Variants in NACAD observed in about 807,000 individuals in gnomAD.
NACAD encodes the protein NAC alpha domain containing.
A neutral mutation model predicts 98.9 loss-of-function variants in NACAD; 47 were observed. The observed-to-expected ratio is 0.48, with a 90% CI of 0.38 to 0.61. The LOEUF is 0.61. NACAD is among the 20% of genes least tolerant of loss of function. The pLI, the probability that NACAD is intolerant of heterozygous loss-of-function variation, is 0.00. For missense variants in NACAD, 1,412 were observed against 1,748.2 expected (o/e 0.81, Z 3.43); for synonymous variants, 696 against 767.2 (o/e 0.91, Z 1.53).
Position 45,080,890 on chromosome 7 carries a change from C to T in NACAD, c.4537G>A (p.Glu1513Lys), listed in dbSNP as rs1430124760. The T allele has an allele frequency of 1.9e-6, 3 of 1,557,006 alleles. No homozygotes were observed. In the Admixed American group the frequency reaches 5.8e-5, roughly 30 times the overall value. Residue 1513 changes from glutamate (E) to lysine (K), a missense_variant, in exon 6 of 8, where the codon GAG becomes AAG. By Grantham distance (56) the Glu-to-Lys change is moderately conservative. Around this residue, in one of 5 missense-constraint regions of NACAD, gnomAD observed 88 missense variants for 105.4 expected, o/e 0.84. Transcript: ENST00000490531. ...CTGCACTTCACCTCTTCCTCCTCCT[C>T]CTCTTCCTCTTCCTTGCACTCCAGC... ...VRLECKEEEE[E>K]EEEEVDEAGL...
rs1784427801 is a variant in NACAD, at chr7:45,081,333, T to G, written c.4258-70A>C. On this transcript the variant is annotated intron_variant, in intron 4 of 7. Coordinates refer to ENST00000490531, the MANE Select transcript of NACAD (RefSeq NM_001146334.2). ...ACGTCGGGGGAGGAGAGCAGCACAGTGCCCAGGAAGGCAAAGTCTCCACCG... is the reference window on the plus strand; with the variant it reads ...ACGTCGGGGGAGGAGAGCAGCACAGGGCCCAGGAAGGCAAAGTCTCCACCG... The G allele has an allele frequency of 2.6e-6, 4 of 1,517,018 alleles. No homozygotes were observed. The South Asian group carries it at 3.9e-5, about 15-fold the overall frequency. 94.0% of individuals were successfully genotyped at this position (1,517,018 alleles called of 1,614,324 possible). A position where few individuals can be genotyped will look rare whatever the true frequency, so the allele number is the denominator to read the frequency against.
At chr7:45,087,235 C>T (rs370875152) in intron 1 of NACAD, among the ~76,000 whole-genome samples, 6 of 152,330 alleles carry the variant, frequency 3.9e-5, no homozygotes, top group African/African-American at 9.6e-5. Flanking sequence ...TTATCACAGG[C>T]GAGATCACAT....
chr7:45,085,227 A>G lies in NACAD; in HGVS notation c.953T>C (p.Ile318Thr). Residue 318 changes from isoleucine (I) to threonine (T), a missense_variant, in exon 2 of 8, where the codon ATC becomes ACC. Ile to Thr is a moderately conservative substitution (Grantham distance 89). Transcript: ENST00000490531. This position sits in a 1 kb window ranked among gnomAD's most constrained non-coding sequence, Gnocchi z 6.1. ...CACCTCCACTGCCTCCACCTGAAAG[A>G]TGAGGCTGCCCTGGAAGGGTAGGAG... ...AALLPFQGSLIFQVEAVEVTP... is the reference protein window; with the variant it reads ...AALLPFQGSLTFQVEAVEVTP... The G allele has an allele frequency of 6.4e-7, 1 of 1,551,432 alleles. No homozygotes were observed. Among genetic ancestry groups the G allele is most frequent in the Non-Finnish European group, 8.7e-7 (1 of 1,146,914 alleles).
At chr7:45,081,477 C>G in intron 4 of NACAD, 124 bp downstream of exon 4, 1 of 1,326,604 alleles carries the variant, frequency 7.5e-7, no homozygotes, top group South Asian at 1.4e-5. Flanking sequence ...GGGTTACTGG[C>G]ATGGACCCAA....
In NACAD at chr7:45,083,150, C is replaced by T; in HGVS notation, c.3030G>A (p.Gly1010=). ...CATCTTCCTGTGCGGCCCAAGGTGT[C>T]CCAGCTTCTGCAGCTGGCTGTGGGT... ...QDDPQPAAEA[G]TPWAAQEDAD... Residue 1010 remains glycine, a synonymous_variant, in exon 2 of 8, where the codon GGG becomes GGA. Transcript: ENST00000490531. The T allele has an allele frequency of 1.3e-6, 2 of 1,550,860 alleles. No individual in the cohort carries two copies. The highest frequency in any genetic ancestry group is 1.7e-6 in the Non-Finnish European group (2 of 1,146,996).
In NACAD at chr7:45,084,866, A is replaced by T. The variant is rs3735495; in HGVS notation, c.1314T>A (p.Asp438Glu). 0.34 allele frequency: 521,753 copies of T among 1,550,746 alleles called. 89,755 individuals are homozygous for T. Among genetic ancestry groups the T allele is most frequent in the Admixed American group, 0.42 (21,452 of 50,968 alleles). ...GGGAKGLQAQ[D>E]GTVSWAVEAA... is the part of the protein sequence containing the mutation. ...CCTCCACGGCCCAGGACACAGTCCC[A>T]TCCTGAGCCTGCAGCCCCTTGGCCC... Residue 438 changes from aspartate (D) to glutamate (E), a missense_variant, in exon 2 of 8, where the codon GAT (aspartate) becomes GAA (glutamate). Asp to Glu is a conservative substitution (Grantham distance 45, BLOSUM62 2). Coordinates refer to ENST00000490531, the MANE Select transcript of NACAD (RefSeq NM_001146334.2).
In NACAD at chr7:45,082,057, A is replaced by G. The variant is rs1057100569; in HGVS notation, c.4072+51T>C. ...CCAGCTCAGGACAGCTCTAAGGAGG[A>G]GTCCAGTTGACCCAAGCCCCAGGGC... On this transcript the variant is annotated intron_variant, in intron 2 of 7. Transcript: ENST00000490531. The surrounding 1 kb of genome is among the most constrained non-coding windows in gnomAD (Gnocchi z 4.5). The G allele has an allele frequency of 3.4e-6, 5 of 1,459,936 alleles. No homozygotes were observed. The highest frequency in any genetic ancestry group is 4.5e-6 in the Non-Finnish European group (5 of 1,104,550). 90.4% of individuals were successfully genotyped at this position (1,459,936 alleles called of 1,614,324 possible).
rs1784548054 is a variant in NACAD, at chr7:45,088,048, C to A, written c.67+780G>T. 6.6e-6 allele frequency among the ~76,000 whole-genome samples: 1 copy of A among 152,206 alleles called. No homozygotes were observed. The highest frequency in any genetic ancestry group is 1.5e-5 in the Non-Finnish European group (1 of 68,032). Reference sequence around the variant, plus strand: ...GCAGCCTGTGTCACCCCAAACCAGGCCCCAGGCCCCAGCAGTGGTCCCATC... The same window carrying A: ...GCAGCCTGTGTCACCCCAAACCAGGACCCAGGCCCCAGCAGTGGTCCCATC... On this transcript the variant is annotated intron_variant, in intron 1 of 7. Coordinates refer to ENST00000490531, the MANE Select transcript of NACAD (RefSeq NM_001146334.2). The surrounding 1 kb of genome is among the most constrained non-coding windows in gnomAD (Gnocchi z 5.7).
In NACAD at chr7:45,085,905, C is replaced by A; in HGVS notation, c.275G>T (p.Ser92Ile). 6.5e-7 allele frequency: 1 copy of A among 1,546,616 alleles called. No individual in the cohort carries two copies. Among genetic ancestry groups the A allele is most frequent in the Admixed American group, 2.0e-5 (1 of 50,676 alleles). Residue 92 changes from serine (S) to isoleucine (I), a missense_variant, in exon 2 of 8, where the codon AGC (serine) becomes ATC (isoleucine). Ser to Ile is a moderately radical substitution (Grantham distance 142). Around this residue, in one of 5 missense-constraint regions of NACAD, gnomAD observed 638 missense variants for 722.7 expected, o/e 0.88. Transcript: ENST00000490531. This position sits in a 1 kb window ranked among gnomAD's most constrained non-coding sequence, Gnocchi z 6.1. ...CAGGCCCTCAGGGAGGAGCATGGGG[C>A]TTGGGCCGCCCTCCCCTGGGTCCGC... ...AWADPGEGGP[S>I]PMLLPEGLSS...
chr7:45,081,313 G>T (rs571279396), intron 4 of NACAD, 50 bp from the exon 5 acceptor site: 1 of 1,540,642 alleles, frequency 6.5e-7, no homozygotes, highest in Admixed American at 2.0e-5. Flanking sequence ...GACCCACGTC[G>T]GGGGAGGAGA....
At position 45,082,402 on chromosome 7, in the gene NACAD, C is replaced by T; in HGVS notation, c.3778G>A (p.Glu1260Lys). 6.5e-7 allele frequency: 1 copy of T among 1,549,572 alleles called. No individual in the cohort carries two copies. The highest frequency in any genetic ancestry group is 8.7e-7 in the Non-Finnish European group (1 of 1,146,670). Reference sequence around the variant, plus strand: ...AGAGAGCCTGGGGGCTCCTCGTCTTCCACAGAGTCTTCCTGGGGGTCCTGG... The same window carrying T: ...AGAGAGCCTGGGGGCTCCTCGTCTTTCACAGAGTCTTCCTGGGGGTCCTGG... ...LCQDPQEDSV[E>K]DEEPPGSLGL... Residue 1260 changes from glutamate to lysine, a missense_variant, in exon 2 of 8, where the codon GAA becomes AAA. Transcript: ENST00000490531. The surrounding 1 kb of genome is among the most constrained non-coding windows in gnomAD (Gnocchi z 4.5).
Position 45,088,774 on chromosome 7 carries a change from C to T in NACAD, c.67+54G>A. ...GAAAGGTGAGCGATGGAAAGAGAAC[C>T]CGGGCTGGAGAGGGGAGAGGCTGAA... On this transcript the variant is annotated intron_variant, in intron 1 of 7. Transcript: ENST00000490531. This position sits in a 1 kb window ranked among gnomAD's most constrained non-coding sequence, Gnocchi z 5.7. 1 of 1,411,008 alleles carries T rather than the reference C, an allele frequency of 7.1e-7. No individual in the cohort carries two copies. The highest frequency in any genetic ancestry group is 1.4e-5 in the South Asian group (1 of 71,686). 87.4% of individuals were successfully genotyped at this position (1,411,008 alleles called of 1,614,324 possible). A position where few individuals can be genotyped will look rare whatever the true frequency, so the allele number is the denominator to read the frequency against.
Position 45,083,366 on chromosome 7 carries a change from C to T in NACAD, c.2814G>A (p.Glu938=). The T allele has an allele frequency of 6.4e-7, 1 of 1,551,424 alleles. No homozygotes were observed. The highest frequency in any genetic ancestry group is 8.7e-7 in the Non-Finnish European group (1 of 1,147,024). Residue 938 remains glutamate (E), a synonymous_variant, in exon 2 of 8, where the codon GAG becomes GAA. Coordinates refer to ENST00000490531, the MANE Select transcript of NACAD (RefSeq NM_001146334.2). Reference sequence around the variant, plus strand: ...TTTGAGGGGTGGCCACAGCCAGAGGCTCTGGACCTGAGGTGGGGCCTGTGT... The same window carrying T: ...TTTGAGGGGTGGCCACAGCCAGAGGTTCTGGACCTGAGGTGGGGCCTGTGT... ...LQDTGPTSGP[E]PLAVATPQTL...
At position 45,085,792 on chromosome 7, in the gene NACAD, G is replaced by T; in HGVS notation, c.388C>A (p.Leu130Met). The change falls in exon 2 of 8, where the codon CTG becomes ATG. Residue 130 changes from leucine to methionine, a missense_variant. By Grantham distance (15) the Leu-to-Met change is conservative (BLOSUM62 2). Transcript: ENST00000490531. The surrounding 1 kb of genome is among the most constrained non-coding windows in gnomAD (Gnocchi z 6.1). Reference sequence around the variant, plus strand: ...GCTGTCCGGGCAGCTCTGGGTGACAGGAGGGCCTGGCACGTCTCCTCTCCC... The same window carrying T: ...GCTGTCCGGGCAGCTCTGGGTGACATGAGGGCCTGGCACGTCTCCTCTCCC... Reference protein sequence around the residue: ...VMGEETCQALLSPRAARTALR... With the variant: ...VMGEETCQALMSPRAARTALR... The T allele has an allele frequency of 6.5e-7, 1 of 1,542,454 alleles. No homozygotes were observed.
Position 45,080,989 on chromosome 7 carries a change from C to T in NACAD, c.4438G>A (p.Ala1480Thr), listed in dbSNP as rs779185092. 9.7e-6 allele frequency: 15 copies of T among 1,551,908 alleles called. No individual in the cohort carries two copies. The highest frequency in any genetic ancestry group is 1.3e-5 in the Non-Finnish European group (15 of 1,147,096). Residue 1480 changes from alanine to threonine, a missense_variant, in exon 6 of 8, where the codon GCA becomes ACA. Around this residue, in one of 5 missense-constraint regions of NACAD, gnomAD observed 42 missense variants for 82.5 expected, o/e 0.51. Transcript: ENST00000490531. ...EDLSQQVHKA[A>T]AEKFKVPSEP... ...GAGGGCACCTTAAACTTCTCAGCTG[C>T]GGCTTTGTGCACTTGCTGGGACAGG... is the stretch of plus-strand genomic sequence containing the variant.
intron 7 of NACAD, 29 bp downstream of exon 7, chr7:45,080,611 G>A (rs1424550202): frequency 1.9e-6 from 3 of 1,551,448 alleles, no homozygotes. Flanking sequence ...ACAGCTCAGG[G>A]GTAGGGAAAG....
Position 45,082,806 on chromosome 7 carries a change from T to G in NACAD, c.3374A>C (p.Glu1125Ala). ...SQARLLSPAR[E>A]ERGLSGKSTP... Reference sequence around the variant, plus strand: ...GGACTTGCCACTCAGGCCTCTTTCCTCCCTGGCTGGGCTCAGGAGCCGGGC... The same window carrying G: ...GGACTTGCCACTCAGGCCTCTTTCCGCCCTGGCTGGGCTCAGGAGCCGGGC... Residue 1125 changes from glutamate to alanine, a missense_variant, in exon 2 of 8, where the codon GAG becomes GCG. Around this residue, in one of 5 missense-constraint regions of NACAD, gnomAD observed 572 missense variants for 639.6 expected, o/e 0.89. Coordinates refer to ENST00000490531, the MANE Select transcript of NACAD (RefSeq NM_001146334.2). This position sits in a 1 kb window ranked among gnomAD's most constrained non-coding sequence, Gnocchi z 4.5. The G allele has an allele frequency of 6.5e-7, 1 of 1,549,710 alleles. No homozygotes were observed. The highest frequency in any genetic ancestry group is 8.7e-7 in the Non-Finnish European group (1 of 1,146,640).
In NACAD at chr7:45,088,832, GC is replaced by G; in HGVS notation, c.62del (p.Arg21ProfsTer25). The G allele has an allele frequency of 1.3e-6, 2 of 1,493,048 alleles. No homozygotes were observed. Among genetic ancestry groups the G allele is most frequent in the East Asian group, 2.8e-5 (1 of 35,812 alleles). 92.5% of individuals were successfully genotyped at this position (1,493,048 alleles called of 1,614,324 possible). On this transcript the variant is annotated frameshift_variant, in exon 1 of 8. Transcript: ENST00000490531. LOFTEE classifies it high-confidence loss of function. This position sits in a 1 kb window ranked among gnomAD's most constrained non-coding sequence, Gnocchi z 5.7. ...LLPEADRPGP[R>X]TDLSCDAAAA... is the part of the protein sequence containing the mutation. ...AAAGAGTGGCCACGGCCTCACCTGT[GC>G]GGGGCCCGGGTCGGTCCGCCTCGGG...
intron 4 of NACAD, 85 bp downstream of exon 4, chr7:45,081,516 G>T: frequency 6.7e-7 from 1 of 1,488,478 alleles, no homozygotes; most frequent in Non-Finnish European, 9.1e-7. Flanking sequence ...GATTTCATTA[G>T]CCATGGAGTG....
Sources: gnomAD v4.1 joint callset for allele counts (sites outside exome capture counted in the v4.1 genomes callset) on GRCh38, gnomAD v4.1.1 for gene constraint, gnomAD v4.1.1 regional missense constraint, Gnocchi (gnomAD v3.1) non-coding constraint, MANE v1.5 for transcripts, NCBI Gene and HGNC (gene_info 2026-07-23, HGNC 2026-07-21) for gene names.